CSMD1: variants seen among roughly 807,000 people sequenced by gnomAD.
CSMD1 encodes CUB and sushi domain-containing protein 1.
In CSMD1, 213 loss-of-function variants were observed where a neutral mutation model predicts 417.5. The observed-to-expected ratio is 0.51, with a 90% CI of 0.46 to 0.57. The LOEUF is 0.57. Ranked by LOEUF, CSMD1 falls within the 20% of genes least tolerant of loss-of-function variation. CSMD1 has a pLI of 0.00. For synonymous variants in CSMD1, 2,862 were observed against 1,736.8 expected (o/e 1.65, Z -16.11); for missense variants, 6,923 against 4,529.7 (o/e 1.53, Z -15.17).
At chr8:3,939,709 C>CT (rs1810748652) in intron 5 of CSMD1, among the ~76,000 whole-genome samples, 1 of 152,072 alleles carries the variant, frequency 6.6e-6, no homozygotes, top group Non-Finnish European at 1.5e-5. Context: ...AAAACAGTGC[C>CT]TTTTGCAGCA....
intron 5 of CSMD1, among the ~76,000 whole-genome samples, chr8:3,838,814 A>G (rs1346006346): frequency 2.0e-5 from 2 of 102,548 alleles, no homozygotes; most frequent in South Asian, 2.7e-4. Flanking sequence ...TAATAATTAT[A>G]TATACTATTA....
intron 23 of CSMD1, among the ~76,000 whole-genome samples, chr8:3,322,933 T>G (rs1008342969): frequency 1.3e-5 from 2 of 152,230 alleles, no homozygotes; most frequent in African/African-American, 2.4e-5. Flanking sequence ...TTTTTTGCTT[T>G]TTTTTGTTTT....
chr8:3,723,002 G>T (rs967020728), intron 6 of CSMD1, among the ~76,000 whole-genome samples: 1 of 152,166 alleles, frequency 6.6e-6, no homozygotes, highest in Non-Finnish European at 1.5e-5. Context: ...TTCTGCAGGT[G>T]AAGCTCAGCT....
At chr8:3,919,390 A>C (rs900460891) in intron 5 of CSMD1, among the ~76,000 whole-genome samples, 1 of 151,344 alleles carries the variant, frequency 6.6e-6, no homozygotes, top group Admixed American at 6.6e-5. Flanking sequence ...TGTTGAAGAG[A>C]CTCTCTTTTC....
chr8:3,998,635 A>G (rs1195130417), intron 4 of CSMD1, among the ~76,000 whole-genome samples: 1 of 152,202 alleles, frequency 6.6e-6, no homozygotes, highest in Non-Finnish European at 1.5e-5. Flanking sequence ...ATCACCTCAT[A>G]AAAAGGTTCT....
chr8:3,619,964 T>C (rs755985013), intron 7 of CSMD1, among the ~76,000 whole-genome samples: 1 of 152,178 alleles, frequency 6.6e-6, no homozygotes, highest in Non-Finnish European at 1.5e-5. Flanking sequence ...CAGCCAGGCA[T>C]GGTGGCAGGC....
chr8:4,440,724 G>C (rs1354954643), intron 2 of CSMD1, among the ~76,000 whole-genome samples: 2 of 152,134 alleles, frequency 1.3e-5, no homozygotes, highest in East Asian at 3.9e-4. Flanking sequence ...GGCCGGGTGT[G>C]GTGGTTCATG....
intron 3 of CSMD1, among the ~76,000 whole-genome samples, chr8:4,221,206 A>G (rs1169376795): frequency 1.3e-5 from 2 of 152,218 alleles, no homozygotes; most frequent in African/African-American, 2.4e-5. Context: ...TCTCTGCCCC[A>G]TAAATATTTC....
At chr8:3,120,791 G>A (rs890719664) in intron 41 of CSMD1, among the ~76,000 whole-genome samples, 1 of 152,026 alleles carries the variant, frequency 6.6e-6, no homozygotes, top group Non-Finnish European at 1.5e-5. Flanking sequence ...AGGTTGCAGT[G>A]AGCCGAGATC....
At chr8:3,480,647 G>T (rs183552008) in intron 11 of CSMD1, among the ~76,000 whole-genome samples, 1 of 151,932 alleles carries the variant, frequency 6.6e-6, no homozygotes, top group Non-Finnish European at 1.5e-5. Flanking sequence ...TCTAATCCAA[G>T]TTTTAAAAAC....
chr8:4,158,141 GA>G (rs1445366190), intron 3 of CSMD1, among the ~76,000 whole-genome samples: 1 of 149,384 alleles, frequency 6.7e-6, no homozygotes, highest in East Asian at 2.0e-4. Flanking sequence ...CCTGAGGTCA[GA>G]CCATTCTCCC....
Position 3,520,086 on chromosome 8 carries a change from C to T in CSMD1, c.1345-26360G>A, listed in dbSNP as rs1797444995. On this transcript the variant is annotated intron_variant, in intron 10 of 69. Transcript: ENST00000635120. The stretch of plus-strand genomic sequence containing the variant: ...GCTCCACAGTAATAATAGTAAAATT[C>T]TATCATTTATGCTTCTTAAACATAC... 2.7e-5 allele frequency among the ~76,000 whole-genome samples: 4 copies of T among 149,218 alleles called. No individual in the cohort carries two copies. In the South Asian group the frequency reaches 6.3e-4, roughly 24 times the overall value.
chr8:3,266,198 G>A (rs1207635147), intron 26 of CSMD1, among the ~76,000 whole-genome samples: 1 of 150,698 alleles, frequency 6.6e-6, no homozygotes, highest in Non-Finnish European at 1.5e-5. Context: ...AAGACAAGAG[G>A]CAAAATAGTG....
chr8:3,570,408 T>C (rs535078756), intron 10 of CSMD1, among the ~76,000 whole-genome samples: 38 of 151,422 alleles, frequency 2.5e-4, no homozygotes, highest in African/African-American at 8.7e-4. Context: ...CAATGGGATA[T>C]GAAGGAACTC....
chr8:3,340,245 T>A (rs1342849002), intron 23 of CSMD1, among the ~76,000 whole-genome samples: 2 of 152,166 alleles, frequency 1.3e-5, no homozygotes, highest in African/African-American at 4.8e-5. Flanking sequence ...CGGTTTTTAA[T>A]TCATAAAGAA....
At chr8:3,971,851 CTGTG>C (rs1813111923) in intron 5 of CSMD1, among the ~76,000 whole-genome samples, 1 of 152,092 alleles carries the variant, frequency 6.6e-6, no homozygotes, top group Admixed American at 6.6e-5. Context: ...TTTAGCTTGC[CTGTG>C]TATCTACTAG....
intron 3 of CSMD1, among the ~76,000 whole-genome samples, chr8:4,270,227 G>C (rs1056638618): frequency 2.6e-5 from 4 of 152,126 alleles, no homozygotes; most frequent in African/African-American, 9.7e-5. Context: ...AATCACACCA[G>C]GCATTTCTTT....
intron 5 of CSMD1, among the ~76,000 whole-genome samples, chr8:3,824,328 G>C (rs1801923837): frequency 1.3e-5 from 2 of 152,132 alleles, no homozygotes; most frequent in South Asian, 4.1e-4. Flanking sequence ...AATACTGAGA[G>C]GTTGCCAGAT....
chr8:3,907,299 A>G (rs1233440081), intron 5 of CSMD1, among the ~76,000 whole-genome samples: 1 of 152,206 alleles, frequency 6.6e-6, no homozygotes, highest in Non-Finnish European at 1.5e-5. Context: ...TTAAGAAGAC[A>G]TTAACGTGGA....
Sources: allele counts gnomAD v4.1 joint callset (sites outside exome capture counted in the v4.1 genomes callset), GRCh38; gene constraint gnomAD v4.1.1; transcripts MANE v1.5; gene names NCBI Gene and HGNC (gene_info 2026-07-23, HGNC 2026-07-21).